IRGM: variants seen among roughly 807,000 people sequenced by gnomAD.
IRGM encodes immunity related GTPase M.
For synonymous variants in IRGM, 98 were observed against 80.6 expected, an observed-to-expected ratio of 1.22 and a Z score of -1.16; for missense variants, 288 against 219.9, an observed-to-expected ratio of 1.31 and a Z score of -1.96.
chr5:150,865,108 G>C (rs1365260058), intron 1 of IRGM, among the ~76,000 whole-genome samples: 1 of 152,140 alleles, frequency 6.6e-6, no homozygotes, highest in African/African-American at 2.4e-5. Context: ...AAATTAGAAA[G>C]GGAATAAATG....
chr5:150,879,290 G>A (rs1754410744), intron 2 of IRGM, among the ~76,000 whole-genome samples: 1 of 152,168 alleles, frequency 6.6e-6, no homozygotes, highest in African/African-American at 2.4e-5. Flanking sequence ...AGTAAGAAAT[G>A]TAGATGAGGT....
At chr5:150,873,220 G>A (rs1338499490) in intron 1 of IRGM, among the ~76,000 whole-genome samples, 1 of 152,208 alleles carries the variant, frequency 6.6e-6, no homozygotes, top group Non-Finnish European at 1.5e-5. Flanking sequence ...GAAGCCCACT[G>A]CATTCTTACT....
chr5:150,849,605 CT>C (rs922246775), downstream of IRGM, among the ~76,000 whole-genome samples: 3,481 of 128,388 alleles, frequency 0.027, 83 homozygotes, highest in African/African-American at 0.062. Flanking sequence ...CTTTTTCTCT[CT>C]TTTTTTTTTT....
chr5:150,850,219 C>T (rs1444376175), downstream of IRGM, among the ~76,000 whole-genome samples: 1 of 152,076 alleles, frequency 6.6e-6, no homozygotes, highest in African/African-American at 2.4e-5. Flanking sequence ...ATGCTAGTCA[C>T]ATACGTAATT....
chr5:150,850,243 A>G (rs1753954915), downstream of IRGM, among the ~76,000 whole-genome samples: 2 of 152,216 alleles, frequency 1.3e-5, no homozygotes, highest in South Asian at 4.1e-4. Flanking sequence ...AAAAATATGT[A>G]TGGCAGTAAA....
rs1561737735 is a variant in IRGM at position 150,846,986 on chromosome 5, C to T, written c.-650C>T. 1 of 152,470 alleles carries T rather than the reference C, an allele frequency of 6.6e-6. No homozygotes were observed. Among genetic ancestry groups the T allele is most frequent in the South Asian group, 2.1e-4 (1 of 4,824 alleles). 9.4% of individuals were successfully genotyped at this position (152,470 alleles called of 1,614,324 possible). A position where few individuals can be genotyped will look rare whatever the true frequency, so the allele number is the denominator to read the frequency against. On this transcript the variant is annotated 5_prime_UTR_variant, in exon 1 of 2. Transcript: ENST00000522154. ...TTTAATCAGTCTCAAATACCTGGCCCCTTGTGGAACCTGCAAGAGCCAGGT... is the reference window on the plus strand; with the variant it reads ...TTTAATCAGTCTCAAATACCTGGCCTCTTGTGGAACCTGCAAGAGCCAGGT...
downstream of IRGM, among the ~76,000 whole-genome samples, chr5:150,902,172 C>T (rs910126863): frequency 3.9e-5 from 6 of 151,992 alleles, no homozygotes; most frequent in African/African-American, 1.2e-4. Flanking sequence ...TATGCCAATG[C>T]TGGCAGAAAG....
chr5:150,875,647 A>G (rs749771860), intron 1 of IRGM, among the ~76,000 whole-genome samples: 3 of 152,172 alleles, frequency 2.0e-5, no homozygotes, highest in Admixed American at 6.5e-5. Flanking sequence ...TAATTGCCCA[A>G]TGGGCCCATG....
At chr5:150,878,131 T>C (rs1256145570) in intron 2 of IRGM, 3 of 418,710 alleles carry the variant, frequency 7.2e-6, no homozygotes, top group East Asian at 7.1e-5. Context: ...AAAAAAAATC[T>C]TCACTGATTT....
intron 3 of IRGM, chr5:150,895,715 G>A: frequency 1.2e-6 from 2 of 1,613,490 alleles, no homozygotes; most frequent in South Asian, 1.1e-5. Flanking sequence ...GATGTCCAAT[G>A]AGATGTGACT....
chr5:150,867,172 G>A (rs1050339748), intron 1 of IRGM, among the ~76,000 whole-genome samples: 3 of 152,146 alleles, frequency 2.0e-5, no homozygotes, highest in African/African-American at 7.2e-5. Context: ...GAGTCACCAA[G>A]TCCATTTTAT....
chr5:150,900,230 T>C (rs1754946260), intron 3 of IRGM, among the ~76,000 whole-genome samples: 1 of 152,132 alleles, frequency 6.6e-6, no homozygotes, highest in Non-Finnish European at 1.5e-5. Flanking sequence ...CCTGATACTG[T>C]AAACATCATG....
At chr5:150,869,600 A>G (rs555109670) in intron 1 of IRGM, among the ~76,000 whole-genome samples, 2 of 152,160 alleles carry the variant, frequency 1.3e-5, no homozygotes, top group South Asian at 4.1e-4. Context: ...CTGTGAATCC[A>G]TCTGGTCCTG....
At chr5:150,874,078 G>C (rs1383587344) in intron 1 of IRGM, among the ~76,000 whole-genome samples, 1 of 152,204 alleles carries the variant, frequency 6.6e-6, no homozygotes, top group Non-Finnish European at 1.5e-5. Flanking sequence ...CACATCTCTT[G>C]GTACCTGGTA....
chr5:150,878,130 C>T (rs1754391449), intron 2 of IRGM: 1 of 417,946 alleles, frequency 2.4e-6, no homozygotes, highest in Non-Finnish European at 4.6e-6. Flanking sequence ...AAAAAAAAAT[C>T]TTCACTGATT....
rs1044366549 is a variant in IRGM, at chr5:150,877,157, G to A, written c.159-823G>A. On this transcript the variant is annotated intron_variant and NMD_transcript_variant, in intron 1 of 3. Transcript: ENST00000520549. ...GTATATGGGTTCAAGTTGACAAGGG[G>A]AGGACTTGTGATGGTTAATATTGCC... is the stretch of plus-strand genomic sequence containing the variant. 3.3e-5 allele frequency among the ~76,000 whole-genome samples: 5 copies of A among 152,142 alleles called. No homozygotes were observed. The East Asian group carries it at 5.8e-4, about 18-fold the overall frequency.
At chr5:150,865,610 C>T (rs997163848) in intron 1 of IRGM, among the ~76,000 whole-genome samples, 7 of 152,322 alleles carry the variant, frequency 4.6e-5, no homozygotes, top group Non-Finnish European at 1.0e-4. Flanking sequence ...GGAAAACTTA[C>T]TAGCAATGAA....
chr5:150,876,425 G>A (rs1448497832), intron 1 of IRGM, among the ~76,000 whole-genome samples: 1 of 152,150 alleles, frequency 6.6e-6, no homozygotes, highest in Non-Finnish European at 1.5e-5. Flanking sequence ...GCCAACAGGG[G>A]AAACAATAAC....
At chr5:150,853,051 A>C (rs917888544), downstream of IRGM, among the ~76,000 whole-genome samples, 2 of 152,074 alleles carry the variant, frequency 1.3e-5, no homozygotes, top group African/African-American at 4.8e-5. Context: ...GTTGAACTGA[A>C]ATCTTTTATC....
Sources: gnomAD v4.1 joint callset for allele counts (sites outside exome capture counted in the v4.1 genomes callset) on GRCh38, gnomAD v4.1.1 for gene constraint, MANE v1.5 for transcripts, NCBI Gene and HGNC (gene_info 2026-07-23, HGNC 2026-07-21) for gene names.